The following CD300LF variants were observed in gnomAD, a reference collection of about 807,000 sequenced individuals.
CD300LF encodes the protein CD300 molecule like family member f.
Under a neutral mutation model 32.2 loss-of-function variants are expected in CD300LF, and 27 were observed. The observed-to-expected ratio is 0.84, with a 90% CI of 0.62 to 1.15. The LOEUF is 1.15. Ranked by LOEUF, CD300LF falls within the 50% of genes most tolerant of loss-of-function variation. The pLI is 0.00. For synonymous variants in CD300LF, 139 were observed against 143.2 expected (o/e 0.97, Z 0.21); for missense variants, 348 against 356.8 (o/e 0.98, Z 0.20).
At chr17:74,711,645 G>C (rs76156522) in intron 1 of CD300LF, among the ~76,000 whole-genome samples, 1 of 152,076 alleles carries the variant, frequency 6.6e-6, no homozygotes, top group South Asian at 2.1e-4. Flanking sequence ...TCCTACACAA[G>C]AGCCCTCGTA....
At chr17:74,702,408 G>A (rs1451586909) in intron 3 of CD300LF, among the ~76,000 whole-genome samples, 1 of 152,204 alleles carries the variant, frequency 6.6e-6, no homozygotes, top group Non-Finnish European at 1.5e-5. Flanking sequence ...GGGAACATTT[G>A]TATCTGCCCA....
At chr17:74,710,797 G>A (rs2033897136) in intron 1 of CD300LF, among the ~76,000 whole-genome samples, 1 of 152,000 alleles carries the variant, frequency 6.6e-6, no homozygotes, top group Non-Finnish European at 1.5e-5. Flanking sequence ...AATCTGGGAG[G>A]CAGAGGTTGC....
intron 3 of CD300LF, among the ~76,000 whole-genome samples, chr17:74,700,121 G>A (rs1162200292): frequency 6.6e-6 from 1 of 151,490 alleles, no homozygotes; most frequent in East Asian, 1.9e-4. Flanking sequence ...CAGCCTGGTC[G>A]ACAGAGCAAG....
At position 74,694,422 on chromosome 17, in the gene CD300LF, T is replaced by G. The variant is rs1379140539; in HGVS notation, c.*674A>C. On this transcript the variant is annotated 3_prime_UTR_variant, in exon 7 of 7. Coordinates refer to ENST00000326165, the MANE Select transcript of CD300LF (RefSeq NM_139018.5). ...AGGCGTGGGCAGGGCTGGTTTCTTT[T>G]GGAGGCTCCAGGCAGGGGAATCCAT... The G allele has an allele frequency of 6.6e-6, 1 of 152,186 alleles. No homozygotes were observed. Among genetic ancestry groups the G allele is most frequent in the Non-Finnish European group, 1.5e-5 (1 of 68,044 alleles). 9.4% of individuals were successfully genotyped at this position (152,186 alleles called of 1,614,324 possible).
intron 6 of CD300LF, 142 bp downstream of exon 6, chr17:74,695,583 T>C: frequency 8.2e-7 from 1 of 1,225,606 alleles, no homozygotes; most frequent in Non-Finnish European, 1.1e-6. Flanking sequence ...CCTAGGCGAG[T>C]CCTGCAGTGA....
chr17:74,704,272 T>A lies in CD300LF; in HGVS notation c.382+206A>T, dbSNP rs1158268975. ...AAAAAATGTGCCTAGAAAGGCTTAATCCCGTCGTGGAGGGAGCCCTGGGAG... is the reference window on the plus strand; with the variant it reads ...AAAAAATGTGCCTAGAAAGGCTTAAACCCGTCGTGGAGGGAGCCCTGGGAG... On this transcript the variant is annotated intron_variant, in intron 2 of 6. Transcript: ENST00000326165. The A allele has an allele frequency of 2.6e-5, 15 of 580,478 alleles. No homozygotes were observed. In the Middle Eastern group the frequency reaches 1.4e-3, roughly 53 times the overall value. 36.0% of individuals were successfully genotyped at this position (580,478 alleles called of 1,614,324 possible). A position where few individuals can be genotyped will look rare whatever the true frequency, so the allele number is the denominator to read the frequency against.
At position 74,694,866 on chromosome 17, in the gene CD300LF, GC is replaced by G. The variant is rs1441832362; in HGVS notation, c.*229del. On this transcript the variant is annotated 3_prime_UTR_variant, in exon 7 of 7. Coordinates refer to ENST00000326165, the MANE Select transcript of CD300LF (RefSeq NM_139018.5). ...ATGAAAGCCCCAGAGCATATCCCTA[GC>G]CCCCTCCTCAACTATGTAGGAGAGG... 2 of 450,100 alleles carry G rather than the reference GC, an allele frequency of 4.4e-6. No homozygotes were observed. Among genetic ancestry groups the G allele is most frequent in the South Asian group, 1.0e-4 (2 of 19,418 alleles). 27.9% of individuals were successfully genotyped at this position (450,100 alleles called of 1,614,324 possible).
chr17:74,702,991 G>C (rs749637055), intron 3 of CD300LF, 44 bp downstream of exon 3: 1 of 1,470,016 alleles, frequency 6.8e-7, no homozygotes, highest in Admixed American at 1.7e-5. Flanking sequence ...TCCATTGGAG[G>C]AGTTTGGGCC....
At chr17:74,704,852 C>T (rs1340467232) in intron 1 of CD300LF, 36 bp from the exon 2 acceptor site, 2 of 1,534,740 alleles carry the variant, frequency 1.3e-6, no homozygotes, top group Non-Finnish European at 8.9e-7. Context: ...TCACCTCCCA[C>T]CCCAAGGGCA....
At chr17:74,705,318 C>A (rs1054152656) in intron 1 of CD300LF, 4 of 683,376 alleles carry the variant, frequency 5.9e-6, no homozygotes, top group Non-Finnish European at 1.1e-5. Context: ...TGGAATAAAC[C>A]ACCCTGGATG....
At chr17:74,705,347 CA>C (rs2033422091) in intron 1 of CD300LF, 1 of 667,956 alleles carries the variant, frequency 1.5e-6, no homozygotes, top group Admixed American at 2.0e-5. Context: ...TGAAGTTGAT[CA>C]AAACAGCAAC....
chr17:74,712,233 C>A (rs1014905566), intron 1 of CD300LF, among the ~76,000 whole-genome samples: 20 of 152,192 alleles, frequency 1.3e-4, no homozygotes, highest in Middle Eastern at 6.8e-3. Flanking sequence ...TTGTATGCAC[C>A]AACTTAAGGT....
chr17:74,694,986 A>T lies in CD300LF; in HGVS notation c.*110T>A. ...TAGGGGCAATGCTGGCTGATCAGGC[A>T]GAGGCACCAGTCCCCGGGTTGGTCC... is the stretch of plus-strand genomic sequence containing the variant. On this transcript the variant is annotated 3_prime_UTR_variant, in exon 7 of 7. Coordinates refer to ENST00000326165, the MANE Select transcript of CD300LF (RefSeq NM_139018.5). The T allele has an allele frequency of 8.2e-7, 1 of 1,219,550 alleles. No homozygotes were observed. The highest frequency in any genetic ancestry group is 1.1e-6 in the Non-Finnish European group (1 of 871,766). 75.5% of individuals were successfully genotyped at this position (1,219,550 alleles called of 1,614,324 possible).
Position 74,695,208 on chromosome 17 carries a change from A to G in CD300LF, c.761T>C (p.Leu254Ser), listed in dbSNP as rs145631229. The G allele has an allele frequency of 4.4e-4, 703 of 1,614,130 alleles. 1 individual carries two copies. Among genetic ancestry groups the G allele is most frequent in the East Asian group, 3.6e-3 (162 of 44,884 alleles). Residue 254 changes from leucine to serine, a missense_variant, in exon 7 of 7, where the codon TTG (leucine) becomes TCG (serine). By Grantham distance (145) the Leu-to-Ser change is moderately radical (BLOSUM62 -2). Transcript: ENST00000326165. ...KEDISYASLTLGAEDQEPTYC... is the reference protein window; with the variant it reads ...KEDISYASLTSGAEDQEPTYC... ...GGTCGGTTCCTGATCCTCAGCACCC[A>G]AGGTCAGAGATGCATAGGAAATGTC...
rs1292764014 is a variant in CD300LF, at chr17:74,696,179, T to C, written c.582+16A>G. ...GCTGCCTGGTCTCTCTGGTCCGACCTTGGGGGCTATCTTACCTGCTCTGGG... is the reference window on the plus strand; with the variant it reads ...GCTGCCTGGTCTCTCTGGTCCGACCCTGGGGGCTATCTTACCTGCTCTGGG... On this transcript the variant is annotated intron_variant, in intron 5 of 6. Coordinates refer to ENST00000326165, the MANE Select transcript of CD300LF (RefSeq NM_139018.5). 1 of 1,600,192 alleles carries C rather than the reference T, an allele frequency of 6.2e-7. No individual in the cohort carries two copies. The highest frequency in any genetic ancestry group is 8.5e-7 in the Non-Finnish European group (1 of 1,175,494).
At chr17:74,697,880 T>A (rs2032649199) in intron 4 of CD300LF, among the ~76,000 whole-genome samples, 2 of 152,158 alleles carry the variant, frequency 1.3e-5, no homozygotes, top group Non-Finnish European at 2.9e-5. Flanking sequence ...TGTAATGTGA[T>A]GAGTGCACAT....
chr17:74,704,191 C>T (rs2033313738), intron 2 of CD300LF, among the ~76,000 whole-genome samples: 1 of 152,172 alleles, frequency 6.6e-6, no homozygotes. Flanking sequence ...CCCTTTGGCC[C>T]ATGGGCTGAA....
chr17:74,695,893 G>A (rs1475321848), intron 5 of CD300LF, 34 bp from the exon 6 acceptor site: 1 of 1,602,252 alleles, frequency 6.2e-7, no homozygotes, highest in South Asian at 1.1e-5. Context: ...GGAGTCACAA[G>A]ATCTGTCTGT....
intron 3 of CD300LF, among the ~76,000 whole-genome samples, chr17:74,702,142 TG>T (rs994981136): frequency 5.9e-4 from 89 of 152,042 alleles, no homozygotes; most frequent in Non-Finnish European, 5.3e-4. Flanking sequence ...AGGGATTTTG[TG>T]GCAAGGTCCC....
Sources: gnomAD v4.1 joint callset for allele counts (sites outside exome capture counted in the v4.1 genomes callset) on GRCh38, gnomAD v4.1.1 for gene constraint, MANE v1.5 for transcripts, NCBI Gene and HGNC (gene_info 2026-07-23, HGNC 2026-07-21) for gene names.